SAMD12: variants seen among roughly 807,000 people sequenced by gnomAD.
SAMD12 encodes sterile alpha motif domain containing 12.
A neutral mutation model predicts 15.0 loss-of-function variants in SAMD12; 9 were observed. That is an observed-to-expected ratio of 0.60 (90% confidence interval 0.36 to 1.05). The LOEUF is 1.05. SAMD12 is among the 50% of genes least tolerant of loss of function. The pLI is 0.01. For synonymous variants in SAMD12, 86 were observed against 90.1 expected (o/e 0.96, Z 0.25); for missense variants, 230 against 234.2 (o/e 0.98, Z 0.12).
At chr8:118,191,819 G>T (rs867532985) in exon 5 of SAMD12, 8 of 95,080 alleles carry the variant, frequency 8.4e-5, no homozygotes, top group Admixed American at 2.1e-4. Flanking sequence ...TATAGAGAGA[G>T]AGAGAGAGAG....
downstream of SAMD12, among the ~76,000 whole-genome samples, chr8:118,187,820 A>G (rs1236505069): frequency 6.6e-6 from 1 of 152,152 alleles, no homozygotes; most frequent in Non-Finnish European, 1.5e-5. Context: ...TGTTTAATGA[A>G]GTGTTTGCAG....
chr8:118,528,818 A>G (rs998608750), intron 2 of SAMD12, among the ~76,000 whole-genome samples: 2 of 152,128 alleles, frequency 1.3e-5, no homozygotes, highest in African/African-American at 4.8e-5. Flanking sequence ...GGCCCCAGTC[A>G]CTCTGCAGAC....
At chr8:118,388,368 T>G (rs1428270653) in intron 3 of SAMD12, among the ~76,000 whole-genome samples, 1 of 152,216 alleles carries the variant, frequency 6.6e-6, no homozygotes, top group Non-Finnish European at 1.5e-5. Flanking sequence ...GCACTTCATT[T>G]TTGCCTACAC....
chr8:118,286,920 G>A (rs139123322), intron 4 of SAMD12, among the ~76,000 whole-genome samples: 1 of 152,284 alleles, frequency 6.6e-6, no homozygotes, highest in East Asian at 1.9e-4. Flanking sequence ...TAGGAAAGTA[G>A]CCTGCTCTCA....
chr8:118,562,593 A>G (rs753604382), intron 2 of SAMD12, among the ~76,000 whole-genome samples: 5 of 152,170 alleles, frequency 3.3e-5, no homozygotes, highest in Non-Finnish European at 7.4e-5. Flanking sequence ...ACGAGCACCA[A>G]AAAAGGGGAA....
At chr8:118,171,526 C>G in the SAMD12 span, among the ~76,000 whole-genome samples, 1 of 152,114 alleles carries the variant, frequency 6.6e-6, no homozygotes, top group African/African-American at 2.4e-5. Flanking sequence ...AGTACTGATA[C>G]ATGATACATC....
intron 3 of SAMD12, among the ~76,000 whole-genome samples, chr8:118,433,998 A>G (rs1278056983): frequency 6.6e-6 from 1 of 152,226 alleles, no homozygotes; most frequent in African/African-American, 2.4e-5. Flanking sequence ...TCTAACCATA[A>G]TAAAAGAATT....
At chr8:118,473,200 T>G (rs1823855534) in intron 2 of SAMD12, among the ~76,000 whole-genome samples, 1 of 152,196 alleles carries the variant, frequency 6.6e-6, no homozygotes, top group African/African-American at 2.4e-5. Flanking sequence ...TGGCATCAGC[T>G]CTGAGCCAGG....
chr8:118,270,928 T>G (rs1813340727), intron 4 of SAMD12, among the ~76,000 whole-genome samples: 1 of 152,208 alleles, frequency 6.6e-6, no homozygotes, highest in South Asian at 2.1e-4. Flanking sequence ...TCCAAGGGGT[T>G]ACTGCATCAT....
the SAMD12 span, among the ~76,000 whole-genome samples, chr8:118,154,288 A>G: frequency 6.6e-6 from 1 of 152,112 alleles, no homozygotes; most frequent in Non-Finnish European, 1.5e-5. Context: ...ACACTGGGCT[A>G]CCTATTCTTT....
At chr8:118,429,535 C>T (rs955764126) in intron 3 of SAMD12, among the ~76,000 whole-genome samples, 2 of 152,126 alleles carry the variant, frequency 1.3e-5, no homozygotes, top group African/African-American at 4.8e-5. Context: ...CCTTTCTAAT[C>T]TTTTTGTCTT....
At chr8:118,571,068 A>C (rs984161523) in intron 2 of SAMD12, among the ~76,000 whole-genome samples, 12 of 152,216 alleles carry the variant, frequency 7.9e-5, no homozygotes, top group African/African-American at 2.7e-4. Flanking sequence ...GGTATGTCTT[A>C]ATCAGCAGCA....
intron 3 of SAMD12, among the ~76,000 whole-genome samples, chr8:118,415,876 G>A (rs966801097): frequency 2.0e-5 from 3 of 152,190 alleles, no homozygotes; most frequent in South Asian, 2.1e-4. Flanking sequence ...ACTGAAGAGA[G>A]GGTTTCAACA....
At chr8:118,197,336 C>T (rs754151309) in exon 5 of SAMD12, 6 of 286,294 alleles carry the variant, frequency 2.1e-5, no homozygotes, top group Non-Finnish European at 3.3e-5. Flanking sequence ...ATGCCATCTG[C>T]ACACATAATA....
At chr8:118,431,265 G>C (rs1437098529) in intron 3 of SAMD12, among the ~76,000 whole-genome samples, 2 of 152,058 alleles carry the variant, frequency 1.3e-5, no homozygotes, top group Non-Finnish European at 2.9e-5. Context: ...GCTTTAACCA[G>C]TTAGCCTTTA....
At chr8:118,583,689 T>C (rs1827353439) in intron 1 of SAMD12, among the ~76,000 whole-genome samples, 1 of 152,172 alleles carries the variant, frequency 6.6e-6, no homozygotes, top group South Asian at 2.1e-4. Context: ...TCTCCTGCTC[T>C]TTGGGAGGCT....
intron 2 of SAMD12, among the ~76,000 whole-genome samples, chr8:118,440,701 C>CACACAA (rs1822728272): frequency 1.3e-5 from 2 of 149,418 alleles, no homozygotes; most frequent in Admixed American, 6.7e-5. Context: ...CACACAAACA[C>CACACAA]ACACACACAC....
intron 2 of SAMD12, among the ~76,000 whole-genome samples, chr8:118,446,973 C>G (rs1822933792): frequency 1.3e-5 from 2 of 152,110 alleles, no homozygotes; most frequent in Admixed American, 1.3e-4. Context: ...CTCAACATGT[C>G]CAAAATTGAG....
chr8:118,603,852 A>T (rs1295373578), intron 1 of SAMD12, among the ~76,000 whole-genome samples: 2 of 152,200 alleles, frequency 1.3e-5, no homozygotes, highest in Non-Finnish European at 2.9e-5. Context: ...ATATGAATAT[A>T]TTGGAAGGAA....
Sources: gnomAD v4.1 joint callset for allele counts (sites outside exome capture counted in the v4.1 genomes callset) on GRCh38, gnomAD v4.1.1 for gene constraint, MANE v1.5 for transcripts, NCBI Gene and HGNC (gene_info 2026-07-23, HGNC 2026-07-21) for gene names.